Variants in MAP1B observed in about 807,000 individuals in gnomAD.
The protein encoded by MAP1B is microtubule-associated protein 1B.
MAP1B carries 12 observed loss-of-function variants against 176.1 expected under a neutral mutation model. That is an observed-to-expected ratio of 0.07 (90% confidence interval 0.04 to 0.11). The LOEUF is 0.11. MAP1B is among the 10% of genes least tolerant of loss of function. The pLI is 1.00. For missense variants in MAP1B, 2,523 were observed against 2,990.5 expected (o/e 0.84, Z 3.65); for synonymous variants, 1,044 against 1,135.0 (o/e 0.92, Z 1.61).
intron 1 of MAP1B, 80 bp downstream of exon 1, chr5:72,107,795 G>C (rs892948621): frequency 2.7e-6 from 4 of 1,457,584 alleles, no homozygotes; most frequent in Non-Finnish European, 3.7e-6. Context: ...CGGTCACTGC[G>C]CTCCTCCCGC....
Position 72,199,362 on chromosome 5 carries a change from G to A in MAP1B, c.6007G>A (p.Asp2003Asn), listed in dbSNP as rs144122529. Reference sequence around the variant, plus strand: ...TGAGGATGGTGGCCACACACTTGGGGACCCCAGCTACTCTTATGAAACCAC... The same window carrying A: ...TGAGGATGGTGGCCACACACTTGGGAACCCCAGCTACTCTTATGAAACCAC... ...DSEDGGHTLG[D>N]PSYSYETTEK... The change falls in exon 5 of 7, where the codon GAC becomes AAC. Residue 2003 changes from aspartate to asparagine, a missense_variant. Around this residue, in one of 4 missense-constraint regions of MAP1B, gnomAD observed 1,925 missense variants for 2,126.0 expected, o/e 0.91. Transcript: ENST00000296755. This position sits in a 1 kb window ranked among gnomAD's most constrained non-coding sequence, Gnocchi z 4.2. 24 of 1,613,964 alleles carry A rather than the reference G, an allele frequency of 1.5e-5. No individual in the cohort carries two copies. The African/African-American group carries it at 1.9e-4, about 13-fold the overall frequency.
chr5:72,114,447 A>G (rs1394958025), intron 1 of MAP1B, among the ~76,000 whole-genome samples: 1 of 152,232 alleles, frequency 6.6e-6, no homozygotes, highest in African/African-American at 2.4e-5. Context: ...TGTTATACCT[A>G]GAGGTTCAAG....
At chr5:72,136,713 GGGT>G (rs957893117) in intron 2 of MAP1B, among the ~76,000 whole-genome samples, 4 of 152,122 alleles carry the variant, frequency 2.6e-5, no homozygotes, top group African/African-American at 9.7e-5. Flanking sequence ...CCTCCAATTA[GGGT>G]GTGTCCTTGA....
chr5:72,168,182 C>T (rs971103855), intron 2 of MAP1B, among the ~76,000 whole-genome samples: 4 of 152,208 alleles, frequency 2.6e-5, no homozygotes, highest in African/African-American at 4.8e-5. Context: ...GTGGTGCCCT[C>T]GGCAACCTTA....
In MAP1B at chr5:72,204,478, A is replaced by T. The variant is rs560029722; in HGVS notation, c.7252-606A>T. Among the ~76,000 whole-genome samples, 17 of 152,316 alleles carry T rather than the reference A, an allele frequency of 1.1e-4. No homozygotes were observed. The highest frequency in any genetic ancestry group is 9.8e-4 in the Admixed American group (15 of 15,304). Reference sequence around the variant, plus strand: ...GGTTCTGTACAAAATTACCTAGTAAATTGTGCTTGTATCATATTATATAGA... The same window carrying T: ...GGTTCTGTACAAAATTACCTAGTAATTTGTGCTTGTATCATATTATATAGA... On this transcript the variant is annotated intron_variant, in intron 6 of 6. Transcript: ENST00000296755. This position sits in a 1 kb window ranked among gnomAD's most constrained non-coding sequence, Gnocchi z 4.4.
At chr5:72,165,944 C>A (rs962000040) in intron 2 of MAP1B, among the ~76,000 whole-genome samples, 2 of 152,138 alleles carry the variant, frequency 1.3e-5, no homozygotes, top group African/African-American at 4.8e-5. Flanking sequence ...GCAAACATTT[C>A]AGTAGCTCTG....
At position 72,195,799 on chromosome 5, in the gene MAP1B, C is replaced by G. The variant is rs1440447712; in HGVS notation, c.2444C>G (p.Ala815Gly). The G allele has an allele frequency of 6.2e-7, 1 of 1,614,252 alleles. No homozygotes were observed. The highest frequency in any genetic ancestry group is 1.1e-5 in the South Asian group (1 of 91,076). Residue 815 changes from alanine to glycine, a missense_variant, in exon 5 of 7, where the codon GCA becomes GGA. Ala to Gly is a moderately conservative substitution (Grantham distance 60, BLOSUM62 0). Around this residue, in one of 4 missense-constraint regions of MAP1B, gnomAD observed 1,925 missense variants for 2,126.0 expected, o/e 0.91. Transcript: ENST00000296755. ...GCTGTCATGGCGGCAGCTGGAATAG[C>G]AGCCATTGGCCCTGCCAAAGAACTC... ...TAAVMAAAGI[A>G]AIGPAKELEA...
chr5:72,130,475 C>T (rs1407966784), intron 2 of MAP1B, among the ~76,000 whole-genome samples: 1 of 152,148 alleles, frequency 6.6e-6, no homozygotes, highest in South Asian at 2.1e-4. Context: ...CTAAAGTTAG[C>T]GCTTAGGTTT....
chr5:72,169,742 G>C (rs1272827399), intron 2 of MAP1B, among the ~76,000 whole-genome samples: 2 of 152,126 alleles, frequency 1.3e-5, no homozygotes, highest in Admixed American at 1.3e-4. Context: ...TTGTTAACTA[G>C]AGTCTTATAA....
chr5:72,121,409 C>T (rs1745527922), intron 2 of MAP1B, among the ~76,000 whole-genome samples: 1 of 152,232 alleles, frequency 6.6e-6, no homozygotes, highest in Non-Finnish European at 1.5e-5. Context: ...AGATCACATT[C>T]ACAAAAATCA....
At chr5:72,192,444 G>A (rs896499317) in intron 4 of MAP1B, among the ~76,000 whole-genome samples, 4 of 152,086 alleles carry the variant, frequency 2.6e-5, no homozygotes, top group Non-Finnish European at 4.4e-5. Context: ...GTTATTTTGC[G>A]GCCCTTTACA....
At chr5:72,140,108 G>A (rs1579991522) in intron 2 of MAP1B, among the ~76,000 whole-genome samples, 2 of 152,060 alleles carry the variant, frequency 1.3e-5, no homozygotes, top group South Asian at 2.1e-4. Flanking sequence ...GACTACAGGT[G>A]CATGCCACCA....
intron 2 of MAP1B, among the ~76,000 whole-genome samples, chr5:72,149,198 G>GA (rs1307466260): frequency 6.6e-6 from 1 of 152,272 alleles, no homozygotes; most frequent in South Asian, 2.1e-4. Context: ...GCTCTTTCTA[G>GA]ATTTTAGAAA....
chr5:72,172,370 G>T (rs1003102044), intron 2 of MAP1B, among the ~76,000 whole-genome samples: 1 of 152,194 alleles, frequency 6.6e-6, no homozygotes, highest in Non-Finnish European at 1.5e-5. Context: ...CTGAGGGATG[G>T]AAATCAGTAG....
Position 72,193,976 on chromosome 5 carries a change from A to G in MAP1B, c.621A>G (p.Gln207=), listed in dbSNP as rs145067631. The G allele has an allele frequency of 1.8e-4, 294 of 1,614,188 alleles. No homozygotes were observed. In the East Asian group the frequency reaches 5.6e-3, roughly 31 times the overall value. Residue 207 remains glutamine, a synonymous_variant, in exon 5 of 7, where the codon CAA becomes CAG. Transcript: ENST00000296755. ...KNSNLDRHNL[Q]DFINIKLNSA... ...CCAATCTTGACAGACACAATCTCCA[A>G]GACTTCATCAATATTAAACTCAATT...
chr5:72,164,882 A>T (rs978222046), intron 2 of MAP1B, among the ~76,000 whole-genome samples: 1 of 152,190 alleles, frequency 6.6e-6, no homozygotes, highest in Non-Finnish European at 1.5e-5. Context: ...ATCTCTATTC[A>T]TAGGTGATAT....
intron 5 of MAP1B, among the ~76,000 whole-genome samples, chr5:72,200,618 G>A (rs942463876): frequency 9.2e-5 from 14 of 152,110 alleles, no homozygotes; most frequent in African/African-American, 2.9e-4. Flanking sequence ...ATTTTGTGCC[G>A]TTTTCGAACA....
chr5:72,167,665 GCA>G (rs1459493322), intron 2 of MAP1B, among the ~76,000 whole-genome samples: 2 of 152,194 alleles, frequency 1.3e-5, no homozygotes, highest in African/African-American at 2.4e-5. Flanking sequence ...AAGCAAGAGT[GCA>G]CAGACATTTT....
intron 2 of MAP1B, among the ~76,000 whole-genome samples, chr5:72,147,196 T>C (rs1411110922): frequency 1.3e-5 from 2 of 152,138 alleles, no homozygotes; most frequent in Non-Finnish European, 2.9e-5. Flanking sequence ...CTCGAACTCC[T>C]GACCTCAAGT....
Sources: gnomAD v4.1 joint callset for allele counts (sites outside exome capture counted in the v4.1 genomes callset) on GRCh38, gnomAD v4.1.1 for gene constraint, gnomAD v4.1.1 regional missense constraint, Gnocchi (gnomAD v3.1) non-coding constraint, MANE v1.5 for transcripts, NCBI Gene and HGNC (gene_info 2026-07-23, HGNC 2026-07-21) for gene names.